The following LPP variants were observed in gnomAD, a reference collection of about 807,000 sequenced individuals.
LPP encodes the protein lipoma-preferred partner.
LPP carries 38 observed loss-of-function variants against 60.4 expected under a neutral mutation model. That is an observed-to-expected ratio of 0.63 (90% CI 0.49 to 0.83). LPP has a LOEUF of 0.83. Among genes scored for constraint, LPP ranks in the 40% least tolerant of loss-of-function variants. LPP has a pLI of 0.00. For missense variants in LPP, 902 were observed against 783.6 expected (o/e 1.15, Z -1.80); for synonymous variants, 328 against 290.8 (o/e 1.13, Z -1.30).
intron 3 of LPP, among the ~76,000 whole-genome samples, chr3:188,392,891 T>C (rs1350072982): frequency 6.6e-6 from 1 of 152,180 alleles, no homozygotes; most frequent in African/African-American, 2.4e-5. Context: ...TTCCGAAATG[T>C]TGAGCCTTCA....
chr3:188,232,479 C>T lies in LPP; in HGVS notation c.-67+6952C>T, dbSNP rs1454582325. Among the ~76,000 whole-genome samples, 4 of 148,924 alleles carry T rather than the reference C, an allele frequency of 2.7e-5. No homozygotes were observed. The Admixed American group carries it at 2.7e-4, about 10-fold the overall frequency. ...TTAGCCTCCCAAGTGGCTGGGATTA[C>T]AGATGCATGCCATCACACCCGGCTA... On this transcript the variant is annotated intron_variant, in intron 2 of 11. Transcript: ENST00000617246.
At chr3:188,463,003 G>A (rs1799514546) in intron 4 of LPP, among the ~76,000 whole-genome samples, 1 of 152,068 alleles carries the variant, frequency 6.6e-6, no homozygotes, top group African/African-American at 2.4e-5. Context: ...CTTCTTGGGA[G>A]GCTGAGGCAG....
intron 3 of LPP, among the ~76,000 whole-genome samples, chr3:188,360,786 C>T (rs1033944920): frequency 1.3e-5 from 2 of 152,148 alleles, no homozygotes; most frequent in Non-Finnish European, 2.9e-5. Context: ...ATGAAAAGTT[C>T]TCGAATCCTG....
chr3:188,419,030 GT>G (rs1384913605), intron 4 of LPP, among the ~76,000 whole-genome samples: 4 of 152,142 alleles, frequency 2.6e-5, no homozygotes, highest in African/African-American at 4.8e-5. Context: ...GGCATCCTCT[GT>G]AAAAATTACC....
intron 2 of LPP, among the ~76,000 whole-genome samples, chr3:188,290,228 A>G (rs1222654877): frequency 1.3e-5 from 2 of 152,108 alleles, no homozygotes; most frequent in African/African-American, 4.8e-5. Context: ...TGACTGCCTT[A>G]GCCTCCCAAA....
Position 188,370,128 on chromosome 3 carries a change from G to T in LPP, c.-10+28409G>T, listed in dbSNP as rs111647521. Among the ~76,000 whole-genome samples the T allele has an allele frequency of 2.2e-3, 330 of 152,130 alleles. 1 individual carries two copies. The highest frequency in any genetic ancestry group is 7.7e-3 in the African/African-American group (319 of 41,504). On this transcript the variant is annotated intron_variant, in intron 3 of 11. Transcript: ENST00000617246. ...TTTTTAGTAGAGACGGGGTTTTACC[G>T]TCTTGGTATGACTGGTCTTGAACTC... is the stretch of plus-strand genomic sequence containing the variant.
chr3:188,803,709 GGCAATTATCATTTT>G (rs1327131657), intron 9 of LPP, among the ~76,000 whole-genome samples: 1 of 152,142 alleles, frequency 6.6e-6, no homozygotes, highest in African/African-American at 2.4e-5. Context: ...ACACTGTGTG[GGCAATTATCATTTT>G]GCAGCAAATC....
At chr3:188,522,879 C>CAT (rs10629624) in intron 5 of LPP, among the ~76,000 whole-genome samples, 12,183 of 139,614 alleles carry the variant, frequency 0.087, 1,715 homozygotes, top group African/African-American at 0.29. Flanking sequence ...ATGTTTGAGA[C>CAT]ATATATGTGT....
At chr3:188,157,754 T>C (rs1264205849) in intron 1 of LPP, among the ~76,000 whole-genome samples, 2 of 151,912 alleles carry the variant, frequency 1.3e-5, no homozygotes, top group African/African-American at 4.8e-5. Context: ...AAGTTTTGGC[T>C]GCTCTTCACT....
In LPP at chr3:188,779,020, G is replaced by C. The variant is rs115041627; in HGVS notation, c.1410+18738G>C. On this transcript the variant is annotated intron_variant, in intron 9 of 11. Transcript: ENST00000617246. Reference sequence around the variant, plus strand: ...ATTTATGGAAAGTGCTGTCAGCATGGTATTTCAAATGCTTCACAATTTGAA... The same window carrying C: ...ATTTATGGAAAGTGCTGTCAGCATGCTATTTCAAATGCTTCACAATTTGAA... 7.0e-3 allele frequency among the ~76,000 whole-genome samples: 1,061 copies of C among 152,076 alleles called. 6 individuals carry two copies. Among genetic ancestry groups the C allele is most frequent in the Middle Eastern group, 0.034 (10 of 294 alleles).
At chr3:188,630,919 G>C (rs1158602547) in intron 7 of LPP, among the ~76,000 whole-genome samples, 2 of 152,108 alleles carry the variant, frequency 1.3e-5, no homozygotes, top group Non-Finnish European at 2.9e-5. Context: ...AAACTAACAT[G>C]AACGGAAAAC....
intron 2 of LPP, among the ~76,000 whole-genome samples, chr3:188,337,147 G>A (rs1452321059): frequency 2.6e-5 from 4 of 152,130 alleles, no homozygotes; most frequent in Non-Finnish European, 5.9e-5. Flanking sequence ...GCTCGGCTTG[G>A]GGATGTCGGG....
intron 7 of LPP, among the ~76,000 whole-genome samples, chr3:188,611,092 C>G (rs1175962814): frequency 6.6e-6 from 1 of 152,188 alleles, no homozygotes; most frequent in African/African-American, 2.4e-5. Flanking sequence ...ATGAAAGCGT[C>G]TGCCATATTA....
chr3:188,256,357 C>A (rs571923516), intron 2 of LPP, among the ~76,000 whole-genome samples: 41 of 152,192 alleles, frequency 2.7e-4, no homozygotes, highest in African/African-American at 9.6e-4. Context: ...CATCTTTTTT[C>A]AGCTAACAAG....
At chr3:188,478,794 C>T (rs754839726) in intron 4 of LPP, among the ~76,000 whole-genome samples, 3 of 152,026 alleles carry the variant, frequency 2.0e-5, no homozygotes, top group Non-Finnish European at 2.9e-5. Flanking sequence ...CTTGCTCTGT[C>T]GCCTAGGCTG....
chr3:188,313,809 G>C lies in LPP; in HGVS notation c.-66-27854G>C, dbSNP rs377003877. 1.3e-4 allele frequency among the ~76,000 whole-genome samples: 20 copies of C among 152,104 alleles called. No individual in the cohort carries two copies. In the East Asian group the frequency reaches 2.7e-3, roughly 21 times the overall value. On this transcript the variant is annotated intron_variant, in intron 2 of 11. Transcript: ENST00000617246. ...TTGAAACCTTCTTTGATGTTCCCAGGAGCACTGAGATTTTTCTTCATGTAG... is the reference window on the plus strand; with the variant it reads ...TTGAAACCTTCTTTGATGTTCCCAGCAGCACTGAGATTTTTCTTCATGTAG...
chr3:188,557,818 T>C (rs1829831408), intron 6 of LPP, among the ~76,000 whole-genome samples: 1 of 152,098 alleles, frequency 6.6e-6, no homozygotes, highest in African/African-American at 2.4e-5. Context: ...CGCTCTCTTT[T>C]CTGTACTTGT....
chr3:188,296,178 G>A (rs1216011735), intron 2 of LPP, among the ~76,000 whole-genome samples: 1 of 152,224 alleles, frequency 6.6e-6, no homozygotes, highest in East Asian at 1.9e-4. Flanking sequence ...TCCACTGGGG[G>A]AAGGATGAGA....
At chr3:188,678,540 G>A (rs192582510) in intron 7 of LPP, among the ~76,000 whole-genome samples, 9 of 152,274 alleles carry the variant, frequency 5.9e-5, no homozygotes, top group Admixed American at 2.0e-4. Flanking sequence ...CTAAAGACAC[G>A]CAGTTCTCAA....
Sources: allele counts gnomAD v4.1 joint callset (sites outside exome capture counted in the v4.1 genomes callset), GRCh38; gene constraint gnomAD v4.1.1; transcripts MANE v1.5; gene names NCBI Gene and HGNC (gene_info 2026-07-23, HGNC 2026-07-21).